Variants in DIAPH2 observed in about 807,000 individuals in gnomAD.
DIAPH2 encodes protein diaphanous homolog 2.
Under a neutral mutation model 92.7 loss-of-function variants are expected in DIAPH2, and 35 were observed. The observed-to-expected ratio is 0.38, with a 90% CI of 0.29 to 0.50. The LOEUF (loss-of-function observed/expected upper bound fraction) is 0.50. Ranked by LOEUF, DIAPH2 falls within the 20% of genes least tolerant of loss-of-function variation. DIAPH2 has a pLI of 0.94. For synonymous variants in DIAPH2, 301 were observed against 280.4 expected, an observed-to-expected ratio of 1.07 and a Z score of -0.73; for missense variants, 701 against 819.5, an observed-to-expected ratio of 0.86 and a Z score of 1.77.
At chrX:96,763,826 T>C (rs2064284260) in intron 4 of DIAPH2, among the ~76,000 whole-genome samples, 1 of 111,320 alleles carries the variant, frequency 9.0e-6, no homozygotes, top group African/African-American at 3.3e-5. Context: ...TTACCTTATC[T>C]TCATGACTAA....
chrX:97,559,647 C>T (rs1000718891), intron 26 of DIAPH2, among the ~76,000 whole-genome samples: 1 of 111,956 alleles, frequency 8.9e-6, no homozygotes, highest in Admixed American at 9.4e-5. Context: ...GTTCACTTTT[C>T]GTTTCTACGT....
intron 4 of DIAPH2, among the ~76,000 whole-genome samples, chrX:96,782,534 C>T (rs1450570389): frequency 1.8e-5 from 2 of 111,382 alleles, no homozygotes; most frequent in Admixed American, 9.5e-5. Flanking sequence ...CTCCTGACCT[C>T]GTGATCCGCC....
intron 23 of DIAPH2, among the ~76,000 whole-genome samples, chrX:97,298,105 A>AT (rs762775494): frequency 3.8e-4 from 41 of 108,938 alleles, no homozygotes; most frequent in African/African-American, 8.7e-4. Flanking sequence ...CTAATGCTGT[A>AT]TTTTTTTACT....
chrX:97,185,367 A>ATGTG lies in DIAPH2; in HGVS notation c.2719+43576_2719+43577insGTGT, dbSNP rs1491403767. ...TATATATATATGTGTGTATATATAT[A>ATGTG]TGTATATATATATGTATATATATAT... On this transcript the variant is annotated intron_variant, in intron 22 of 26. Coordinates refer to ENST00000324765, the MANE Select transcript of DIAPH2 (RefSeq NM_006729.5). 5.0e-4 allele frequency among the ~76,000 whole-genome samples: 27 copies of ATGTG among 54,170 alleles called. 3 individuals are homozygous for ATGTG. The highest frequency in any genetic ancestry group is 3.0e-3 in the African/African-American group (23 of 7,674). 47.0% of individuals were successfully genotyped at this position (54,170 alleles called of 115,157 possible).
intron 22 of DIAPH2, among the ~76,000 whole-genome samples, chrX:97,205,263 G>A: frequency 8.9e-6 from 1 of 111,926 alleles, no homozygotes; most frequent in Middle Eastern, 4.6e-3. Flanking sequence ...ACATAGGCAT[G>A]GGCAAAGACT....
intron 26 of DIAPH2, among the ~76,000 whole-genome samples, chrX:97,592,067 T>C (rs1041119451): frequency 8.9e-6 from 1 of 112,100 alleles, no homozygotes; most frequent in Non-Finnish European, 1.9e-5. Flanking sequence ...TCCCAAGAGA[T>C]TGGCTGTACA....
chrX:97,414,537 C>T (rs2069919265), intron 25 of DIAPH2, among the ~76,000 whole-genome samples: 1 of 108,338 alleles, frequency 9.2e-6, no homozygotes, highest in Non-Finnish European at 1.9e-5. Flanking sequence ...GTAGTCCCAG[C>T]TACTTGGGAG....
At chrX:97,120,199 G>C (rs2067046150) in intron 21 of DIAPH2, among the ~76,000 whole-genome samples, 1 of 110,838 alleles carries the variant, frequency 9.0e-6, no homozygotes, top group Non-Finnish European at 1.9e-5. Context: ...TGGGGACCCA[G>C]CGAACTCCCA....
intron 17 of DIAPH2, among the ~76,000 whole-genome samples, chrX:97,052,285 G>T (rs1029520698): frequency 9.0e-6 from 1 of 110,898 alleles, no homozygotes; most frequent in African/African-American, 3.3e-5. Flanking sequence ...GTGGGGGAAA[G>T]ATATTTTCAG....
At chrX:96,947,175 C>T (rs1273030396) in intron 14 of DIAPH2, among the ~76,000 whole-genome samples, 1 of 111,719 alleles carries the variant, frequency 9.0e-6, no homozygotes, top group Non-Finnish European at 1.9e-5. Flanking sequence ...TCCCCGTTTG[C>T]TGTGTTTGCA....
At chrX:96,896,302 A>G (rs966797654) in intron 5 of DIAPH2, among the ~76,000 whole-genome samples, 1 of 111,696 alleles carries the variant, frequency 9.0e-6, no homozygotes, top group Admixed American at 9.6e-5. Flanking sequence ...CTTTTATCCA[A>G]TATTTGTTCA....
intron 4 of DIAPH2, among the ~76,000 whole-genome samples, chrX:96,863,145 G>T (rs1385858203): frequency 4.6e-5 from 5 of 109,702 alleles, no homozygotes; most frequent in African/African-American, 1.7e-4. Flanking sequence ...CATCCTCTAA[G>T]TGGTTGAGGT....
At position 97,059,362 on chromosome X, in the gene DIAPH2, T is replaced by C. The variant is rs186143839; in HGVS notation, c.2051-13579T>C. Reference sequence around the variant, plus strand: ...CTTATGTGCTTCAGTTTTCTTTAAATAGTGCACCTGGTATCAGATATAATC... The same window carrying C: ...CTTATGTGCTTCAGTTTTCTTTAAACAGTGCACCTGGTATCAGATATAATC... On this transcript the variant is annotated intron_variant, in intron 17 of 26. Coordinates refer to ENST00000324765, the MANE Select transcript of DIAPH2 (RefSeq NM_006729.5). 6.3e-5 allele frequency among the ~76,000 whole-genome samples: 7 copies of C among 111,961 alleles called. No individual in the cohort carries two copies. The East Asian group carries it at 2.0e-3, about 31-fold the overall frequency.
intron 4 of DIAPH2, among the ~76,000 whole-genome samples, chrX:96,814,990 G>C (rs917392420): frequency 1.8e-5 from 2 of 112,147 alleles, no homozygotes; most frequent in African/African-American, 6.5e-5. Flanking sequence ...CGGGGGTCAG[G>C]GACCCACTTG....
chrX:97,308,942 T>C (rs1327508951), intron 23 of DIAPH2, among the ~76,000 whole-genome samples: 7 of 103,973 alleles, frequency 6.7e-5, no homozygotes, highest in African/African-American at 2.4e-4. Context: ...GGCTCGAACC[T>C]GGGAGGCAGA....
chrX:96,811,475 T>G (rs933629092), intron 4 of DIAPH2, among the ~76,000 whole-genome samples: 3 of 111,906 alleles, frequency 2.7e-5, no homozygotes, highest in African/African-American at 9.8e-5. Flanking sequence ...AGGGACAATT[T>G]GATTTCCTCT....
At chrX:97,510,484 C>G (rs983836660) in intron 26 of DIAPH2, among the ~76,000 whole-genome samples, 7 of 110,636 alleles carry the variant, frequency 6.3e-5, no homozygotes, top group Non-Finnish European at 1.3e-4. Flanking sequence ...AAGGTGGTTT[C>G]TTTTGCTGTG....
intron 4 of DIAPH2, among the ~76,000 whole-genome samples, chrX:96,812,548 C>A (rs1324234574): frequency 9.0e-6 from 1 of 111,114 alleles, no homozygotes; most frequent in Non-Finnish European, 1.9e-5. Context: ...TTAGTTATTT[C>A]TTGCCCTCTG....
chrX:97,510,056 T>C (rs1453256790), intron 26 of DIAPH2, among the ~76,000 whole-genome samples: 9 of 111,054 alleles, frequency 8.1e-5, no homozygotes, highest in East Asian at 2.8e-4. Flanking sequence ...ATGGTATTTC[T>C]AGTTCTAGAT....
Sources: gnomAD v4.1 joint callset for allele counts (sites outside exome capture counted in the v4.1 genomes callset) on GRCh38, gnomAD v4.1.1 for gene constraint, MANE v1.5 for transcripts, NCBI Gene and HGNC (gene_info 2026-07-23, HGNC 2026-07-21) for gene names.